The following PLPP4 variants were observed in gnomAD, a reference collection of about 807,000 sequenced individuals.
PLPP4 encodes the protein diacylglycerol pyrophosphate like 2.
Under a neutral mutation model 32.2 loss-of-function variants are expected in PLPP4, and 20 were observed. That is an observed-to-expected ratio of 0.62 (90% CI 0.44 to 0.90). The LOEUF is 0.90. Among genes scored for constraint, PLPP4 ranks in the 40% least tolerant of loss-of-function variants. The probability of loss-of-function intolerance (pLI) is 0.00; values close to 1 mark genes in which losing one functional copy is unlikely to be tolerated. For missense variants in PLPP4, 257 were observed against 353.1 expected, an observed-to-expected ratio of 0.73 and a Z score of 2.18; for synonymous variants, 127 against 133.0, an observed-to-expected ratio of 0.95 and a Z score of 0.31.
At chr10:120,513,320 T>C (rs2133890165) in intron 2 of PLPP4, among the ~76,000 whole-genome samples, 1 of 152,336 alleles carries the variant, frequency 6.6e-6, no homozygotes, top group East Asian at 1.9e-4. Flanking sequence ...CAGTAGGTTC[T>C]GTAATGAGTG....
At chr10:120,552,381 G>A (rs1457305292) in intron 5 of PLPP4, among the ~76,000 whole-genome samples, 1 of 152,044 alleles carries the variant, frequency 6.6e-6, no homozygotes, top group African/African-American at 2.4e-5. Context: ...TTTATCTAAC[G>A]GATGAAACAT....
At chr10:120,580,036 C>T (rs546815036) in intron 6 of PLPP4, among the ~76,000 whole-genome samples, 7 of 142,888 alleles carry the variant, frequency 4.9e-5, no homozygotes, top group African/African-American at 1.8e-4. Context: ...AGGAGAATGG[C>T]GTGAACCTGG....
chr10:120,462,334 G>T (rs1044684836), intron 1 of PLPP4, among the ~76,000 whole-genome samples: 6 of 152,136 alleles, frequency 3.9e-5, no homozygotes, highest in African/African-American at 7.2e-5. Flanking sequence ...AAACTGGGGG[G>T]GCCTGGAGGT....
intron 1 of PLPP4, among the ~76,000 whole-genome samples, chr10:120,475,945 G>A (rs1353063684): frequency 6.6e-6 from 1 of 152,210 alleles, no homozygotes; most frequent in Non-Finnish European, 1.5e-5. Flanking sequence ...GATAATGTCT[G>A]AAATCACTTC....
At chr10:120,513,041 G>A (rs761272841) in intron 2 of PLPP4, among the ~76,000 whole-genome samples, 1 of 152,156 alleles carries the variant, frequency 6.6e-6, no homozygotes, top group African/African-American at 2.4e-5. Flanking sequence ...ATCCTGAGAT[G>A]TTATAGTCAT....
intron 1 of PLPP4, among the ~76,000 whole-genome samples, chr10:120,465,288 T>A (rs574911656): frequency 6.6e-6 from 1 of 152,340 alleles, no homozygotes; most frequent in South Asian, 2.1e-4. Context: ...GCCCTTGTCG[T>A]CATTCAACCA....
chr10:120,503,948 CTTAT>C (rs1396406308), intron 2 of PLPP4, 22 bp downstream of exon 2: 1 of 1,452,730 alleles, frequency 6.9e-7, no homozygotes, highest in Non-Finnish European at 9.7e-7. Context: ...GATTTCATTC[CTTAT>C]TTGACTGCTC....
chr10:120,537,728 G>A (rs1203180243), intron 5 of PLPP4, among the ~76,000 whole-genome samples: 1 of 152,126 alleles, frequency 6.6e-6, no homozygotes, highest in Non-Finnish European at 1.5e-5. Context: ...TGATGGATAT[G>A]TACATCAGCT....
At chr10:120,554,238 C>T (rs1848043498) in intron 5 of PLPP4, among the ~76,000 whole-genome samples, 1 of 152,182 alleles carries the variant, frequency 6.6e-6, no homozygotes, top group South Asian at 2.1e-4. Context: ...CAAAGTTCCG[C>T]AGATCCCTAG....
chr10:120,547,928 G>A (rs1847708508), intron 5 of PLPP4, among the ~76,000 whole-genome samples: 1 of 152,098 alleles, frequency 6.6e-6, no homozygotes, highest in South Asian at 2.1e-4. Flanking sequence ...ATTATTATGA[G>A]GGTTATATCA....
At chr10:120,575,372 A>G in intron 6 of PLPP4, 71 bp downstream of exon 6, 3 of 1,498,732 alleles carry the variant, frequency 2.0e-6, no homozygotes, top group South Asian at 2.4e-5. Context: ...GGGTGTAGAA[A>G]TGCACCAATT....
chr10:120,586,227 C>T (rs1029882037), intron 6 of PLPP4, among the ~76,000 whole-genome samples: 3 of 151,088 alleles, frequency 2.0e-5, no homozygotes, highest in African/African-American at 4.9e-5. Flanking sequence ...CTCCACCTCC[C>T]GGGTTCAAGC....
At chr10:120,511,848 C>A (rs1200763669) in intron 2 of PLPP4, among the ~76,000 whole-genome samples, 1 of 152,152 alleles carries the variant, frequency 6.6e-6, no homozygotes, top group Non-Finnish European at 1.5e-5. Flanking sequence ...AATCCCAGCA[C>A]TTTGGGAGGC....
intron 3 of PLPP4, among the ~76,000 whole-genome samples, chr10:120,516,168 C>T (rs533772201): frequency 3.3e-5 from 5 of 152,026 alleles, no homozygotes; most frequent in South Asian, 4.2e-4. Flanking sequence ...TCGGAAGTAG[C>T]GGGTGGGAGT....
intron 5 of PLPP4, among the ~76,000 whole-genome samples, chr10:120,557,327 C>G (rs1169335625): frequency 2.6e-5 from 4 of 152,156 alleles, no homozygotes; most frequent in Non-Finnish European, 5.9e-5. Flanking sequence ...CCATTACAAG[C>G]CTTGAATGCT....
chr10:120,495,548 A>G (rs892461790), intron 1 of PLPP4, among the ~76,000 whole-genome samples: 1 of 152,172 alleles, frequency 6.6e-6, no homozygotes, highest in African/African-American at 2.4e-5. Context: ...GGGAGGAAAA[A>G]TCAATAGTGC....
At chr10:120,508,179 T>C (rs1245262135) in intron 2 of PLPP4, among the ~76,000 whole-genome samples, 1 of 152,110 alleles carries the variant, frequency 6.6e-6, no homozygotes, top group African/African-American at 2.4e-5. Flanking sequence ...ATAAAGTCAT[T>C]TTGGGGAGGA....
At chr10:120,552,440 T>G (rs1296292895) in intron 5 of PLPP4, among the ~76,000 whole-genome samples, 3 of 152,156 alleles carry the variant, frequency 2.0e-5, no homozygotes, top group African/African-American at 7.2e-5. Flanking sequence ...ATGGGTAAAG[T>G]TGGAATCTGA....
At chr10:120,575,034 T>G in intron 5 of PLPP4, 97 bp from the exon 6 acceptor site, 1 of 1,315,012 alleles carries the variant, frequency 7.6e-7, no homozygotes, top group Non-Finnish European at 1.1e-6. Context: ...GCCTTGGCCT[T>G]GGGGGTGTGC....
Sources: allele counts gnomAD v4.1 joint callset (sites outside exome capture counted in the v4.1 genomes callset), GRCh38; gene constraint gnomAD v4.1.1; transcripts MANE v1.5; gene names NCBI Gene and HGNC (gene_info 2026-07-23, HGNC 2026-07-21).